Variants in LARGE1 observed in about 807,000 individuals in gnomAD.
LARGE1 encodes LARGE xylosyl- and glucuronyltransferase 1.
A neutral mutation model predicts 87.6 loss-of-function variants in LARGE1; 43 were observed. That is an observed-to-expected ratio of 0.49 (90% confidence interval 0.38 to 0.63). The LOEUF is 0.63. LARGE1 is among the 30% of genes least tolerant of loss of function. The pLI is 0.00. For missense variants in LARGE1, 802 were observed against 1,000.2 expected, an observed-to-expected ratio of 0.80 and a Z score of 2.67; for synonymous variants, 434 against 394.6, an observed-to-expected ratio of 1.10 and a Z score of -1.18.
At chr22:33,545,394 C>G (rs1370671794) in intron 6 of LARGE1, among the ~76,000 whole-genome samples, 1 of 147,946 alleles carries the variant, frequency 6.8e-6, no homozygotes, top group Non-Finnish European at 1.5e-5. Context: ...GCTGGGACTA[C>G]AGGTGTGCAC....
At chr22:33,158,367 C>T (rs186260634), downstream of LARGE1, among the ~76,000 whole-genome samples, 8 of 152,046 alleles carry the variant, frequency 5.3e-5, no homozygotes, top group African/African-American at 9.7e-5. Flanking sequence ...AATAAATGAA[C>T]GACTAACAAA....
chr22:33,630,678 G>A (rs1041481358), intron 3 of LARGE1, among the ~76,000 whole-genome samples: 4 of 152,178 alleles, frequency 2.6e-5, no homozygotes, highest in African/African-American at 9.7e-5. Flanking sequence ...GAGTCAGTGA[G>A]TGGTCAAAGA....
intron 10 of LARGE1, among the ~76,000 whole-genome samples, chr22:33,330,158 G>A (rs1048462806): frequency 6.6e-6 from 1 of 152,134 alleles, no homozygotes; most frequent in African/African-American, 2.4e-5. Flanking sequence ...CTTGGAAGGT[G>A]GCTCTCTGTC....
At chr22:33,539,616 G>A (rs1031237729) in intron 6 of LARGE1, among the ~76,000 whole-genome samples, 1 of 149,970 alleles carries the variant, frequency 6.7e-6, no homozygotes, top group Non-Finnish European at 1.5e-5. Flanking sequence ...TTGAGACAGG[G>A]TCTCGCTCCA....
At chr22:33,650,337 C>T (rs755284048) in intron 3 of LARGE1, 30 bp downstream of exon 3, 5 of 1,613,454 alleles carry the variant, frequency 3.1e-6, no homozygotes, top group Non-Finnish European at 4.2e-6. Context: ...CTTTGGACAA[C>T]TTCCTCCCCA....
At chr22:33,744,637 C>T (rs569031530) in intron 2 of LARGE1, among the ~76,000 whole-genome samples, 33 of 152,324 alleles carry the variant, frequency 2.2e-4, no homozygotes, top group Admixed American at 1.0e-3. Context: ...CTCATTGCAC[C>T]GGGGACACAC....
intron 7 of LARGE1, among the ~76,000 whole-genome samples, chr22:33,423,559 A>C (rs2066770873): frequency 6.6e-6 from 1 of 151,818 alleles, no homozygotes; most frequent in African/African-American, 2.4e-5. Flanking sequence ...GTGCGCCTGT[A>C]ATCCCAGCTA....
At chr22:33,662,204 C>T (rs1218093262) in intron 2 of LARGE1, among the ~76,000 whole-genome samples, 1 of 151,990 alleles carries the variant, frequency 6.6e-6, no homozygotes, top group East Asian at 1.9e-4. Context: ...GTTCTTTAGG[C>T]TATGCGTCAG....
chr22:33,333,836 G>A (rs112768379), intron 10 of LARGE1, among the ~76,000 whole-genome samples: 6 of 152,076 alleles, frequency 3.9e-5, no homozygotes, highest in African/African-American at 1.2e-4. Flanking sequence ...AAGAAAACAG[G>A]GGCTGGGTGC....
At chr22:33,867,695 G>A (rs1271207385) in intron 1 of LARGE1, among the ~76,000 whole-genome samples, 3 of 152,184 alleles carry the variant, frequency 2.0e-5, no homozygotes, top group Non-Finnish European at 4.4e-5. Context: ...GCACCAGCAG[G>A]CTGGGCCTCA....
chr22:33,390,356 G>C (rs12628963), intron 7 of LARGE1, among the ~76,000 whole-genome samples: 14,421 of 152,138 alleles, frequency 0.095, 1,087 homozygotes, highest in African/African-American at 0.21. Flanking sequence ...AGTTTGCATC[G>C]ATGTGGGAAC....
At chr22:33,855,192 G>A (rs913832432) in intron 1 of LARGE1, among the ~76,000 whole-genome samples, 2 of 152,078 alleles carry the variant, frequency 1.3e-5, no homozygotes, top group East Asian at 1.9e-4. Context: ...AAAATTAGCC[G>A]GGTGTGGTGG....
chr22:33,574,278 T>C (rs1345286394), intron 5 of LARGE1, among the ~76,000 whole-genome samples: 1 of 152,176 alleles, frequency 6.6e-6, no homozygotes, highest in African/African-American at 2.4e-5. Flanking sequence ...GTCTCTGATA[T>C]AAAATGGTGC....
intron 6 of LARGE1, among the ~76,000 whole-genome samples, chr22:33,491,704 C>A (rs767628011): frequency 1.3e-5 from 2 of 152,168 alleles, no homozygotes; most frequent in Non-Finnish European, 2.9e-5. Context: ...GATCTTACAG[C>A]CCCATTTTTG....
At chr22:33,543,336 A>G (rs760252431) in intron 6 of LARGE1, among the ~76,000 whole-genome samples, 3 of 152,256 alleles carry the variant, frequency 2.0e-5, no homozygotes, top group Non-Finnish European at 2.9e-5. Context: ...CAGCTTGGTC[A>G]GAATTTTAAT....
intron 6 of LARGE1, among the ~76,000 whole-genome samples, chr22:33,440,915 T>A (rs2067442911): frequency 6.6e-6 from 1 of 152,110 alleles, no homozygotes; most frequent in Non-Finnish European, 1.5e-5. Context: ...AACCATCTAC[T>A]ACTGCACATG....
chr22:33,606,744 C>T (rs1432344569), intron 4 of LARGE1, among the ~76,000 whole-genome samples: 1 of 152,100 alleles, frequency 6.6e-6, no homozygotes, highest in African/African-American at 2.4e-5. Flanking sequence ...CAGACATACC[C>T]ACACTGCCCC....
At chr22:33,228,105 G>A (rs1925823329) in intron 11 of LARGE1, among the ~76,000 whole-genome samples, 1 of 152,190 alleles carries the variant, frequency 6.6e-6, no homozygotes, top group Non-Finnish European at 1.5e-5. Context: ...TCTACCACTT[G>A]TGTGACCACA....
intron 2 of LARGE1, among the ~76,000 whole-genome samples, chr22:33,685,238 G>A (rs2081909798): frequency 6.6e-6 from 1 of 152,146 alleles, no homozygotes; most frequent in Non-Finnish European, 1.5e-5. Context: ...AAATGCCAGG[G>A]GGTATTAATA....
Sources: allele counts gnomAD v4.1 joint callset (sites outside exome capture counted in the v4.1 genomes callset), GRCh38; gene constraint gnomAD v4.1.1; transcripts MANE v1.5; gene names NCBI Gene and HGNC (gene_info 2026-07-23, HGNC 2026-07-21).